The following GOLIM4 variants were observed in gnomAD, a reference collection of about 807,000 sequenced individuals.
GOLIM4 encodes the protein golgi integral membrane protein 4.
A neutral mutation model predicts 107.4 loss-of-function variants in GOLIM4; 71 were observed. The ratio of observed to expected loss-of-function variants is 0.66; its 90% CI spans 0.55 to 0.81. GOLIM4 has a LOEUF of 0.81. Ranked by LOEUF, GOLIM4 falls within the 30% of genes least tolerant of loss-of-function variation. GOLIM4 has a pLI of 0.00. For missense variants in GOLIM4, 830 were observed against 826.1 expected (o/e 1.00, Z -0.06); for synonymous variants, 327 against 294.8 (o/e 1.11, Z -1.12).
chr3:168,095,139 C>T lies in GOLIM4; in HGVS notation c.147G>A (p.Lys49=). 6.2e-7 allele frequency: 1 copy of T among 1,610,624 alleles called. No individual in the cohort carries two copies. ...AGAGGGACTCCTGGTGCTGCTGGTA[C>T]TTGAGCGCCACCGCCTCGGCTTTCC... ...QLRKAEAVAL[K]YQQHQESLSA... is the part of the protein sequence containing the mutation. The change falls in exon 1 of 16, where the codon AAG becomes AAA. Residue 49 remains lysine (K), a synonymous_variant. Coordinates refer to ENST00000470487, the MANE Select transcript of GOLIM4 (RefSeq NM_014498.5).
At chr3:168,064,208 T>C (rs779324903) in intron 1 of GOLIM4, among the ~76,000 whole-genome samples, 13 of 152,226 alleles carry the variant, frequency 8.5e-5, no homozygotes, top group Non-Finnish European at 1.5e-4. Flanking sequence ...AGTCTTTTTA[T>C]AATACTTTAG....
chr3:168,048,604 C>T (rs555075814), intron 1 of GOLIM4, among the ~76,000 whole-genome samples: 2 of 152,320 alleles, frequency 1.3e-5, no homozygotes, highest in South Asian at 4.2e-4. Context: ...GATGCTTCCA[C>T]CTTCTTTGCC....
intron 5 of GOLIM4, among the ~76,000 whole-genome samples, chr3:168,041,679 T>C (rs941336277): frequency 1.3e-5 from 2 of 152,186 alleles, no homozygotes; most frequent in African/African-American, 4.8e-5. Context: ...TCTGGTTCAG[T>C]ACTTTAAATG....
chr3:168,042,921 G>A (rs1719096824), intron 5 of GOLIM4, among the ~76,000 whole-genome samples: 2 of 152,220 alleles, frequency 1.3e-5, no homozygotes, highest in African/African-American at 4.8e-5. Flanking sequence ...CACCTGGGCA[G>A]TCTGACTATA....
chr3:168,056,115 C>T (rs867125886), intron 1 of GOLIM4, among the ~76,000 whole-genome samples: 10 of 152,190 alleles, frequency 6.6e-5, no homozygotes, highest in Non-Finnish European at 1.3e-4. Flanking sequence ...GGTCCCTGTG[C>T]TGTGTGCATC....
chr3:168,067,880 C>T (rs1720632431), intron 1 of GOLIM4, among the ~76,000 whole-genome samples: 1 of 151,608 alleles, frequency 6.6e-6, no homozygotes, highest in African/African-American at 2.4e-5. Flanking sequence ...TATCGATATG[C>T]AAAATATACC....
chr3:168,025,130 A>C (rs1717926495), intron 12 of GOLIM4, 35 bp from the exon 13 acceptor site: 1 of 1,528,194 alleles, frequency 6.5e-7, no homozygotes, highest in East Asian at 2.3e-5. Context: ...CTATCACTTC[A>C]AAACTGAGGA....
rs1312419314 is a variant in GOLIM4, at chr3:168,014,663, C to T, written c.1861-3840G>A. Reference sequence around the variant, plus strand: ...CAATAAAATACTGGCAAAACGAATACAGCAGCACATCAAAAAGCTTATCCA... The same window carrying T: ...CAATAAAATACTGGCAAAACGAATATAGCAGCACATCAAAAAGCTTATCCA... On this transcript the variant is annotated intron_variant, in intron 14 of 15. Transcript: ENST00000470487. Among the ~76,000 whole-genome samples, 4 of 141,508 alleles carry T rather than the reference C, an allele frequency of 2.8e-5. No individual in the cohort carries two copies. In the East Asian group the frequency reaches 7.8e-4, roughly 28 times the overall value. 92.8% of individuals were successfully genotyped at this position (141,508 alleles called of 152,430 possible).
At chr3:168,061,209 T>A (rs1279875380) in intron 1 of GOLIM4, among the ~76,000 whole-genome samples, 1 of 150,318 alleles carries the variant, frequency 6.7e-6, no homozygotes, top group Non-Finnish European at 1.5e-5. Context: ...GGCCACGAAA[T>A]ATATGAAAAA....
At chr3:168,018,610 C>T (rs1404833435) in intron 14 of GOLIM4, among the ~76,000 whole-genome samples, 1 of 152,208 alleles carries the variant, frequency 6.6e-6, no homozygotes, top group Non-Finnish European at 1.5e-5. Flanking sequence ...AACATCTCCT[C>T]TGCCCATAGT....
intron 15 of GOLIM4, 49 bp downstream of exon 15, chr3:168,010,694 C>T (rs1207652675): frequency 7.7e-7 from 1 of 1,306,518 alleles, no homozygotes; most frequent in South Asian, 1.2e-5. Context: ...TACACATGCA[C>T]ACCCACAAAC....
chr3:168,036,475 G>A (rs1483171288), intron 8 of GOLIM4, among the ~76,000 whole-genome samples: 2 of 152,222 alleles, frequency 1.3e-5, no homozygotes, highest in Non-Finnish European at 2.9e-5. Context: ...CCGGGAAGCG[G>A]AGGTTGCAGT....
At chr3:168,089,061 G>A (rs980662082) in intron 1 of GOLIM4, among the ~76,000 whole-genome samples, 5 of 152,202 alleles carry the variant, frequency 3.3e-5, no homozygotes, top group African/African-American at 1.2e-4. Context: ...TAGATTATGT[G>A]CAAATCATAC....
intron 14 of GOLIM4, among the ~76,000 whole-genome samples, chr3:168,012,957 A>G (rs1228986403): frequency 2.0e-4 from 30 of 150,098 alleles, no homozygotes; most frequent in African/African-American, 7.6e-4. Context: ...AAAGACCATC[A>G]AGACTAGGAA....
chr3:168,027,585 T>C (rs1035851036), intron 12 of GOLIM4, 143 bp downstream of exon 12: 9 of 639,710 alleles, frequency 1.4e-5, no homozygotes, highest in Non-Finnish European at 2.6e-5. Context: ...ACTGCCCATA[T>C]ATAATTATGC....
At chr3:168,012,763 C>A (rs1444250882) in intron 14 of GOLIM4, among the ~76,000 whole-genome samples, 1 of 152,062 alleles carries the variant, frequency 6.6e-6, no homozygotes, top group East Asian at 1.9e-4. Context: ...AAATTTTCAA[C>A]CCAGAATTTC....
intron 1 of GOLIM4, among the ~76,000 whole-genome samples, chr3:168,083,774 TCAC>T (rs1026178071): frequency 1.3e-5 from 2 of 152,178 alleles, no homozygotes; most frequent in African/African-American, 4.8e-5. Flanking sequence ...ACAACTATAC[TCAC>T]CTTATGGTAG....
intron 1 of GOLIM4, among the ~76,000 whole-genome samples, chr3:168,083,669 ACAG>A (rs1219555997): frequency 6.6e-6 from 1 of 152,212 alleles, no homozygotes; most frequent in African/African-American, 2.4e-5. Context: ...ATGATTTAGC[ACAG>A]TGGTTGGTAC....
At chr3:168,064,106 G>A (rs1447356506) in intron 1 of GOLIM4, among the ~76,000 whole-genome samples, 1 of 152,168 alleles carries the variant, frequency 6.6e-6, no homozygotes, top group African/African-American at 2.4e-5. Context: ...GGTCCCAGGA[G>A]GCTTCCCCAG....
Sources: gnomAD v4.1 joint callset for allele counts (sites outside exome capture counted in the v4.1 genomes callset) on GRCh38, gnomAD v4.1.1 for gene constraint, MANE v1.5 for transcripts, NCBI Gene and HGNC (gene_info 2026-07-23, HGNC 2026-07-21) for gene names.